GPR158: variants seen among roughly 807,000 people sequenced by gnomAD.
GPR158 encodes the protein metabotropic glycine receptor.
A neutral mutation model predicts 78.2 loss-of-function variants in GPR158; 30 were observed. The observed-to-expected ratio is 0.38, with a 90% CI of 0.29 to 0.52. The LOEUF (loss-of-function observed/expected upper bound fraction) is 0.52, where lower values mean the gene tolerates loss of function less well. Ranked by LOEUF, GPR158 falls within the 20% of genes least tolerant of loss-of-function variation. GPR158 has a pLI of 0.83. For missense variants in GPR158, 1,463 were observed against 1,523.5 expected, an observed-to-expected ratio of 0.96 and a Z score of 0.66; for synonymous variants, 581 against 591.1, an observed-to-expected ratio of 0.98 and a Z score of 0.25.
chr10:25,214,185 G>A (rs900607040), intron 1 of GPR158, among the ~76,000 whole-genome samples: 7 of 152,080 alleles, frequency 4.6e-5, no homozygotes, highest in Admixed American at 6.5e-5. Flanking sequence ...TAGTAGAGAC[G>A]GGGTTTCACT....
chr10:25,415,423 C>T (rs1834645695), intron 4 of GPR158, among the ~76,000 whole-genome samples: 1 of 151,852 alleles, frequency 6.6e-6, no homozygotes, highest in Non-Finnish European at 1.5e-5. Context: ...GAAAAGATTA[C>T]CAACACATAG....
At chr10:25,227,005 T>C (rs1167832535) in intron 2 of GPR158, among the ~76,000 whole-genome samples, 1 of 152,188 alleles carries the variant, frequency 6.6e-6, no homozygotes, top group African/African-American at 2.4e-5. Flanking sequence ...TATGGATGCT[T>C]ATTTGTTTTT....
chr10:25,439,388 G>A (rs2130586760), intron 4 of GPR158, among the ~76,000 whole-genome samples: 1 of 152,280 alleles, frequency 6.6e-6, no homozygotes, highest in Middle Eastern at 3.4e-3. Flanking sequence ...CTCCCACTGG[G>A]TCCCTCCCAC....
At chr10:25,530,605 A>G (rs963690762) in intron 5 of GPR158, among the ~76,000 whole-genome samples, 2 of 152,246 alleles carry the variant, frequency 1.3e-5, no homozygotes, top group African/African-American at 4.8e-5. Context: ...ATGTAAAACA[A>G]ACAAAGCTGA....
chr10:25,421,562 A>G (rs575203246), intron 4 of GPR158, among the ~76,000 whole-genome samples: 1 of 152,180 alleles, frequency 6.6e-6, no homozygotes, highest in East Asian at 1.9e-4. Flanking sequence ...TGTACCCAAT[A>G]TAGGATGATG....
chr10:25,275,705 CA>C (rs1384679171), intron 2 of GPR158, among the ~76,000 whole-genome samples: 4 of 152,228 alleles, frequency 2.6e-5, no homozygotes, highest in Non-Finnish European at 4.4e-5. Context: ...CATGATAAAG[CA>C]TTTACATATT....
At chr10:25,266,228 A>G (rs930297643) in intron 2 of GPR158, among the ~76,000 whole-genome samples, 1 of 152,150 alleles carries the variant, frequency 6.6e-6, no homozygotes, top group Non-Finnish European at 1.5e-5. Context: ...CAGAGAAGTT[A>G]TCTCTGTCTG....
chr10:25,217,240 T>C (rs993669701), intron 1 of GPR158, among the ~76,000 whole-genome samples: 2 of 152,196 alleles, frequency 1.3e-5, no homozygotes, highest in Non-Finnish European at 2.9e-5. Flanking sequence ...TGGGTAGTTT[T>C]GCAAACTGGA....
chr10:25,454,241 A>G (rs2130604739), intron 4 of GPR158, among the ~76,000 whole-genome samples: 1 of 20,578 alleles, frequency 4.9e-5, no homozygotes, highest in South Asian at 1.8e-3. Context: ...GTATAGAGGC[A>G]CAACTGATTT....
At chr10:25,247,650 A>C (rs1396389239) in intron 2 of GPR158, among the ~76,000 whole-genome samples, 14 of 147,568 alleles carry the variant, frequency 9.5e-5, no homozygotes, top group Admixed American at 2.7e-4. Flanking sequence ...TGAACTCATC[A>C]TTTTTTATGG....
At chr10:25,413,196 G>A (rs1359514090) in intron 4 of GPR158, among the ~76,000 whole-genome samples, 1 of 152,162 alleles carries the variant, frequency 6.6e-6, no homozygotes, top group Non-Finnish European at 1.5e-5. Context: ...AGCCAATGTG[G>A]TGGTGCATGC....
intron 4 of GPR158, among the ~76,000 whole-genome samples, chr10:25,428,724 G>C (rs1834855829): frequency 6.6e-6 from 1 of 151,984 alleles, no homozygotes. Context: ...CCGTACCTTT[G>C]TCCTTATGGG....
chr10:25,484,860 T>A (rs966657589), intron 5 of GPR158, among the ~76,000 whole-genome samples: 6 of 152,166 alleles, frequency 3.9e-5, no homozygotes, highest in African/African-American at 1.4e-4. Context: ...TTCTAGAGCC[T>A]GATTAGCAAT....
At chr10:25,341,407 T>C (rs1855300797) in intron 2 of GPR158, among the ~76,000 whole-genome samples, 1 of 152,028 alleles carries the variant, frequency 6.6e-6, no homozygotes, top group Admixed American at 6.6e-5. Context: ...AGAATTTATA[T>C]TAGATTTTGA....
At chr10:25,511,626 G>A (rs769891520) in intron 5 of GPR158, among the ~76,000 whole-genome samples, 34 of 152,126 alleles carry the variant, frequency 2.2e-4, no homozygotes, top group Admixed American at 7.9e-4. Flanking sequence ...CCAATGTCTA[G>A]AAGGGCTTTT....
chr10:25,422,660 A>G (rs1349315548), intron 4 of GPR158, among the ~76,000 whole-genome samples: 2 of 148,092 alleles, frequency 1.4e-5, no homozygotes, highest in Non-Finnish European at 3.0e-5. Flanking sequence ...ATACTCTCCA[A>G]TTTCAGCTTG....
chr10:25,238,741 G>A (rs1016165662), intron 2 of GPR158, among the ~76,000 whole-genome samples: 7 of 152,180 alleles, frequency 4.6e-5, no homozygotes, highest in Non-Finnish European at 1.0e-4. Flanking sequence ...CATGCAAGCC[G>A]TATCAAATGC....
chr10:25,239,472 G>A (rs1194917948), intron 2 of GPR158, among the ~76,000 whole-genome samples: 1 of 152,088 alleles, frequency 6.6e-6, no homozygotes, highest in Non-Finnish European at 1.5e-5. Context: ...GCCGGGCATG[G>A]TGGCAGGCAC....
intron 10 of GPR158, among the ~76,000 whole-genome samples, chr10:25,597,084 CTGATTAAACG>C (rs1837418204): frequency 2.0e-5 from 3 of 152,100 alleles, no homozygotes; most frequent in Non-Finnish European, 4.4e-5. Context: ...TAGTGTTGAA[CTGATTAAACG>C]TGTTCCATAA....
Sources: allele counts gnomAD v4.1 joint callset (sites outside exome capture counted in the v4.1 genomes callset), GRCh38; gene constraint gnomAD v4.1.1; transcripts MANE v1.5; gene names NCBI Gene and HGNC (gene_info 2026-07-23, HGNC 2026-07-21).